Variants in GRIN2A observed in about 807,000 individuals in gnomAD.
The protein encoded by GRIN2A is glutamate receptor ionotropic, NMDA 2A.
Under a neutral mutation model 113.4 loss-of-function variants are expected in GRIN2A, and 22 were observed. The ratio of observed to expected loss-of-function variants is 0.19; its 90% CI spans 0.14 to 0.28. GRIN2A has a LOEUF of 0.28. GRIN2A is among the 10% of genes least tolerant of loss of function. The pLI is 1.00. For synonymous variants in GRIN2A, 827 were observed against 738.4 expected, an observed-to-expected ratio of 1.12 and a Z score of -1.94; for missense variants, 1,502 against 1,887.0, an observed-to-expected ratio of 0.80 and a Z score of 3.78.
intron 3 of GRIN2A, among the ~76,000 whole-genome samples, chr16:9,901,118 C>T (rs1034085580): frequency 1.3e-5 from 2 of 152,156 alleles, no homozygotes; most frequent in Non-Finnish European, 2.9e-5. Context: ...AGGGATTTTG[C>T]CTGGTTTTTC....
chr16:9,986,487 G>T (rs369344685), intron 2 of GRIN2A, among the ~76,000 whole-genome samples: 19 of 152,040 alleles, frequency 1.2e-4, no homozygotes, highest in Non-Finnish European at 2.4e-4. Context: ...AAAATGGGCC[G>T]AGTGCGGTGG....
rs749614491 is a variant in GRIN2A at position 10,044,005 on chromosome 16, G to GTATATA, written c.415-105455_415-105454insTATATA. ...TATACACATACGTGTGTGTGTGTGT[G>GTATATA]TGTATATATATATATATAGAGAGAG... On this transcript the variant is annotated intron_variant, in intron 2 of 12. Coordinates refer to ENST00000330684, the MANE Select transcript of GRIN2A (RefSeq NM_001134407.3). Among the ~76,000 whole-genome samples the GTATATA allele has an allele frequency of 4.0e-3, 396 of 100,014 alleles. 1 individual carries two copies. The highest frequency in any genetic ancestry group is 0.021 in the South Asian group (52 of 2,442). 65.6% of individuals were successfully genotyped at this position (100,014 alleles called of 152,430 possible).
At chr16:10,164,367 C>G (rs1470504285) in intron 2 of GRIN2A, among the ~76,000 whole-genome samples, 1 of 152,204 alleles carries the variant, frequency 6.6e-6, no homozygotes, top group Non-Finnish European at 1.5e-5. Context: ...GGGTCAGGGT[C>G]TGCGGGACGG....
intron 2 of GRIN2A, among the ~76,000 whole-genome samples, chr16:10,015,956 A>C (rs754821639): frequency 2.0e-5 from 3 of 152,042 alleles, no homozygotes; most frequent in Non-Finnish European, 4.4e-5. Flanking sequence ...TCTCTACTAA[A>C]AATACAAAAA....
At chr16:10,058,324 C>A (rs13330868) in intron 2 of GRIN2A, among the ~76,000 whole-genome samples, 5,973 of 151,714 alleles carry the variant, frequency 0.039, 422 homozygotes, top group African/African-American at 0.14. Context: ...AACAAAAAAA[C>A]CGCTAGATTA....
chr16:10,001,594 T>C (rs537376230), intron 2 of GRIN2A, among the ~76,000 whole-genome samples: 1 of 152,322 alleles, frequency 6.6e-6, no homozygotes, highest in Non-Finnish European at 1.5e-5. Flanking sequence ...ATGCATGCTC[T>C]TGTATCTTTA....
intron 2 of GRIN2A, among the ~76,000 whole-genome samples, chr16:10,003,169 T>C (rs987713507): frequency 6.6e-6 from 1 of 152,142 alleles, no homozygotes; most frequent in Non-Finnish European, 1.5e-5. Context: ...ATGGGGAGTA[T>C]GGAGTCCCTG....
intron 4 of GRIN2A, among the ~76,000 whole-genome samples, chr16:9,853,874 C>CA (rs529900004): frequency 5.3e-5 from 8 of 151,992 alleles, no homozygotes; most frequent in South Asian, 2.1e-4. Context: ...TATATTACAG[C>CA]AAAAAAACCC....
At chr16:9,996,596 A>G (rs753842350) in intron 2 of GRIN2A, among the ~76,000 whole-genome samples, 1 of 152,172 alleles carries the variant, frequency 6.6e-6, no homozygotes, top group Admixed American at 6.5e-5. Context: ...TAATATTCCA[A>G]CTTCATTTGT....
intron 2 of GRIN2A, among the ~76,000 whole-genome samples, chr16:10,155,156 A>G (rs749982975): frequency 6.6e-6 from 1 of 152,238 alleles, no homozygotes; most frequent in Non-Finnish European, 1.5e-5. Context: ...GGGAAAGTCT[A>G]GAGCAAACTG....
intron 2 of GRIN2A, among the ~76,000 whole-genome samples, chr16:10,116,798 C>T (rs2048736217): frequency 6.6e-6 from 1 of 152,188 alleles, no homozygotes; most frequent in African/African-American, 2.4e-5. Flanking sequence ...GGTATGCCAA[C>T]TTCTATCCCT....
At chr16:10,043,081 A>T (rs1385862833) in intron 2 of GRIN2A, among the ~76,000 whole-genome samples, 1 of 152,238 alleles carries the variant, frequency 6.6e-6, no homozygotes, top group African/African-American at 2.4e-5. Flanking sequence ...AACATACCCC[A>T]ACTCATTCAA....
At chr16:9,891,872 T>G (rs2043700958) in intron 3 of GRIN2A, among the ~76,000 whole-genome samples, 1 of 152,132 alleles carries the variant, frequency 6.6e-6, no homozygotes, top group African/African-American at 2.4e-5. Context: ...CAGGTGAGGC[T>G]GAGAAGATGA....
intron 2 of GRIN2A, among the ~76,000 whole-genome samples, chr16:10,133,185 C>A (rs144191102): frequency 3.1e-4 from 47 of 152,354 alleles, no homozygotes; most frequent in Non-Finnish European, 5.7e-4. Context: ...ATACAGGAGT[C>A]AGAGTTTAGA....
chr16:9,995,606 G>A (rs1387649537), intron 2 of GRIN2A, among the ~76,000 whole-genome samples: 1 of 152,092 alleles, frequency 6.6e-6, no homozygotes, highest in African/African-American at 2.4e-5. Context: ...CAGTCATAAT[G>A]AAACTTCCCC....
chr16:10,081,149 C>T (rs7197911), intron 2 of GRIN2A, among the ~76,000 whole-genome samples: 5,506 of 152,258 alleles, frequency 0.036, 345 homozygotes, highest in African/African-American at 0.13. Flanking sequence ...GAGGCTCTTA[C>T]ATGCTTCGTC....
At chr16:10,100,395 T>A (rs1248171713) in intron 2 of GRIN2A, among the ~76,000 whole-genome samples, 1 of 152,208 alleles carries the variant, frequency 6.6e-6, no homozygotes, top group African/African-American at 2.4e-5. Context: ...GCAAGAGATG[T>A]TGAGTGTTGG....
chr16:10,053,567 G>A (rs1440562400), intron 2 of GRIN2A, among the ~76,000 whole-genome samples: 2 of 152,308 alleles, frequency 1.3e-5, no homozygotes, highest in Non-Finnish European at 2.9e-5. Context: ...AGCAGGTGGT[G>A]ACAAGTTCAT....
chr16:10,030,430 G>A (rs1332804553), intron 2 of GRIN2A, among the ~76,000 whole-genome samples: 7 of 152,122 alleles, frequency 4.6e-5, no homozygotes, highest in Non-Finnish European at 7.3e-5. Context: ...CCAGTCACGT[G>A]CTCAGACTTC....
Sources: gnomAD v4.1 joint callset for allele counts (sites outside exome capture counted in the v4.1 genomes callset) on GRCh38, gnomAD v4.1.1 for gene constraint, MANE v1.5 for transcripts, NCBI Gene and HGNC (gene_info 2026-07-23, HGNC 2026-07-21) for gene names.